Variants in NAALADL2 observed in about 807,000 individuals in gnomAD.
NAALADL2 encodes the protein N-acetylated alpha-linked acidic dipeptidase like 2.
Under a neutral mutation model 87.2 loss-of-function variants are expected in NAALADL2, and 76 were observed. The ratio of observed to expected loss-of-function variants is 0.87; its 90% CI spans 0.72 to 1.05. The LOEUF is 1.05. NAALADL2 is among the 50% of genes least tolerant of loss of function. NAALADL2 has a pLI of 0.00. For synonymous variants in NAALADL2, 354 were observed against 331.0 expected (o/e 1.07, Z -0.75); for missense variants, 1,089 against 945.8 (o/e 1.15, Z -1.99).
At position 174,824,872 on chromosome 3, in the gene NAALADL2, TAA is replaced by T. The variant is rs138806113; in HGVS notation, c.-9+87127_-9+87128del. The stretch of plus-strand genomic sequence containing the variant: ...TGACATATGTAACTCATCAAAAAAA[TAA>T]GACTGTTAATTAATAAATTTTATAC... On this transcript the variant is annotated intron_variant, in intron 3 of 3. Coordinates refer to the NAALADL2 transcript ENST00000434257. Among the ~76,000 whole-genome samples, 8 of 152,248 alleles carry T rather than the reference TAA, an allele frequency of 5.3e-5. No individual in the cohort carries two copies. The East Asian group carries it at 1.5e-3, about 29-fold the overall frequency.
chr3:175,671,596 T>C (rs1734016487), intron 11 of NAALADL2, among the ~76,000 whole-genome samples: 1 of 152,062 alleles, frequency 6.6e-6, no homozygotes, highest in Admixed American at 6.6e-5. Flanking sequence ...TCTGATGATT[T>C]GTGTCTCAAT....
intron 1 of NAALADL2, among the ~76,000 whole-genome samples, chr3:174,460,859 T>C (rs1716172223): frequency 6.6e-6 from 1 of 152,002 alleles, no homozygotes; most frequent in African/African-American, 2.4e-5. Context: ...TTAAAAGACT[T>C]TACTTAAGAT....
At chr3:175,753,741 A>G (rs2150129492) in intron 12 of NAALADL2, among the ~76,000 whole-genome samples, 1 of 152,248 alleles carries the variant, frequency 6.6e-6, no homozygotes, top group East Asian at 1.9e-4. Context: ...AGGACCAAGT[A>G]TTACGGGAAC....
intron 11 of NAALADL2, among the ~76,000 whole-genome samples, chr3:175,733,336 C>T (rs958872812): frequency 6.6e-6 from 1 of 152,148 alleles, no homozygotes; most frequent in Non-Finnish European, 1.5e-5. Flanking sequence ...CAAGGTGGAG[C>T]AAGTTACATC....
chr3:174,836,555 G>GA (rs1391983185), intron 3 of NAALADL2, among the ~76,000 whole-genome samples: 1 of 151,450 alleles, frequency 6.6e-6, no homozygotes, highest in Non-Finnish European at 1.5e-5. Context: ...CAACAACAAA[G>GA]AAAATTAGCT....
chr3:175,694,513 A>T (rs868264230), intron 11 of NAALADL2, among the ~76,000 whole-genome samples: 1 of 152,254 alleles, frequency 6.6e-6, no homozygotes, highest in Admixed American at 6.5e-5. Context: ...TTGGTTGCTC[A>T]TTCTTGTTAT....
chr3:174,605,011 C>G (rs1019948296), intron 2 of NAALADL2, among the ~76,000 whole-genome samples: 4 of 152,112 alleles, frequency 2.6e-5, no homozygotes, highest in Non-Finnish European at 5.9e-5. Flanking sequence ...CCTCAGCCTC[C>G]CAAAGTACTG....
At chr3:175,559,255 A>C (rs527389452) in intron 9 of NAALADL2, among the ~76,000 whole-genome samples, 34 of 149,340 alleles carry the variant, frequency 2.3e-4, no homozygotes, top group Non-Finnish European at 4.1e-4. Context: ...AAATGCTACT[A>C]ATTTTTGTAT....
At chr3:174,604,920 C>A (rs562438812) in intron 2 of NAALADL2, among the ~76,000 whole-genome samples, 2 of 151,962 alleles carry the variant, frequency 1.3e-5, no homozygotes, top group African/African-American at 4.8e-5. Context: ...AGGCACGCAC[C>A]ACCACCCCGG....
chr3:175,476,926 T>G (rs547192810), intron 9 of NAALADL2, among the ~76,000 whole-genome samples: 1 of 152,268 alleles, frequency 6.6e-6, no homozygotes, highest in Non-Finnish European at 1.5e-5. Flanking sequence ...AACAACTAAG[T>G]CTTGTAATAA....
chr3:174,819,819 C>T (rs988539595), intron 3 of NAALADL2, among the ~76,000 whole-genome samples: 19 of 152,188 alleles, frequency 1.2e-4, no homozygotes, highest in African/African-American at 4.6e-4. Flanking sequence ...GCTTACGCTT[C>T]AAGACTCGTG....
At chr3:175,654,060 G>C (rs1469200198) in intron 11 of NAALADL2, among the ~76,000 whole-genome samples, 1 of 152,144 alleles carries the variant, frequency 6.6e-6, no homozygotes, top group South Asian at 2.1e-4. Flanking sequence ...ACAATCAAAA[G>C]ACTGACCCCT....
intron 1 of NAALADL2, among the ~76,000 whole-genome samples, chr3:174,870,249 T>C (rs1256885747): frequency 1.3e-5 from 2 of 152,166 alleles, no homozygotes; most frequent in Non-Finnish European, 2.9e-5. Context: ...CACTGGACTA[T>C]AGCAGAACTA....
chr3:175,353,802 T>C (rs1275349416), intron 5 of NAALADL2, among the ~76,000 whole-genome samples: 2 of 152,224 alleles, frequency 1.3e-5, no homozygotes, highest in Non-Finnish European at 2.9e-5. Context: ...TCACACTGTT[T>C]AGTGGATAAA....
rs1303778794 is a variant in NAALADL2 at position 175,013,299 on chromosome 3, A to ATTTT, written c.44-83490_44-83489insTTTT. Among the ~76,000 whole-genome samples the ATTTT allele has an allele frequency of 7.4e-3, 559 of 75,102 alleles. 45 individuals carry two copies. Among genetic ancestry groups the ATTTT allele is most frequent in the African/African-American group, 0.018 (290 of 16,042 alleles). The allele number at this position is 75,102 out of a possible 152,430, so 49.3% of individuals were successfully genotyped here. On this transcript the variant is annotated intron_variant, in intron 1 of 13. Coordinates refer to ENST00000454872, the MANE Select transcript of NAALADL2 (RefSeq NM_207015.3). ...TATACATATATATATATATATATAT[A>ATTTT]TATTTTTTTTTTTTTTTGAGACAGG...
At chr3:174,532,033 C>T (rs1208686166) in intron 1 of NAALADL2, among the ~76,000 whole-genome samples, 2 of 152,000 alleles carry the variant, frequency 1.3e-5, no homozygotes, top group African/African-American at 4.8e-5. Context: ...CTTTGATGCT[C>T]CAAAAGGTAG....
chr3:175,487,585 G>A (rs1287985508), intron 9 of NAALADL2: 1 of 454,140 alleles, frequency 2.2e-6, no homozygotes, highest in Non-Finnish European at 4.4e-6. Flanking sequence ...GCTCTTATAT[G>A]AAGAGAATTC....
At chr3:174,555,928 G>C (rs1712740408) in intron 2 of NAALADL2, among the ~76,000 whole-genome samples, 1 of 151,330 alleles carries the variant, frequency 6.6e-6, no homozygotes, top group Non-Finnish European at 1.5e-5. Flanking sequence ...CCACCCCATC[G>C]ATGTTATTTG....
intron 3 of NAALADL2, among the ~76,000 whole-genome samples, chr3:174,813,181 T>G (rs1720407533): frequency 6.6e-6 from 1 of 152,172 alleles, no homozygotes; most frequent in Admixed American, 6.5e-5. Flanking sequence ...TCCAGTGGTA[T>G]TCAATCTTTT....
Sources: gnomAD v4.1 joint callset for allele counts (sites outside exome capture counted in the v4.1 genomes callset) on GRCh38, gnomAD v4.1.1 for gene constraint, MANE v1.5 for transcripts, NCBI Gene and HGNC (gene_info 2026-07-23, HGNC 2026-07-21) for gene names.